LIN7C: variants seen among roughly 807,000 people sequenced by gnomAD.
The protein encoded by LIN7C is lin-7 cell polarity scaffold C, also known as protein lin-7 homolog C.
LIN7C carries 17 observed loss-of-function variants against 24.7 expected under a neutral mutation model. The observed-to-expected ratio is 0.69, with a 90% CI of 0.47 to 1.03. LIN7C has a LOEUF of 1.03. Ranked by LOEUF, LIN7C falls within the 50% of genes least tolerant of loss-of-function variation. The probability of loss-of-function intolerance (pLI) is 0.00; values close to 1 mark genes in which losing one functional copy is unlikely to be tolerated. For synonymous variants in LIN7C, 90 were observed against 83.4 expected (o/e 1.08, Z -0.43); for missense variants, 204 against 239.0 (o/e 0.85, Z 0.97).
chr11:27,503,715 T>G (rs934715038), intron 1 of LIN7C, among the ~76,000 whole-genome samples: 1 of 152,202 alleles, frequency 6.6e-6, no homozygotes, highest in Non-Finnish European at 1.5e-5. Context: ...GGTTTCACCC[T>G]GTTGGTCAGG....
At chr11:27,501,349 C>T in intron 3 of LIN7C, 146 bp downstream of exon 3, 1 of 607,722 alleles carries the variant, frequency 1.6e-6, no homozygotes, top group South Asian at 2.0e-5. Flanking sequence ...AAACAAATGT[C>T]TTATTTCTTA....
chr11:27,501,413 G>T, intron 3 of LIN7C, 82 bp downstream of exon 3: 2 of 876,970 alleles, frequency 2.3e-6, no homozygotes, highest in Admixed American at 2.4e-5. Flanking sequence ...TTCAAAGTAA[G>T]TTTATTATGA....
In LIN7C at chr11:27,497,884, C is replaced by T. The variant is rs976615138; in HGVS notation, c.*765G>A. The T allele has an allele frequency of 1.3e-5, 2 of 151,976 alleles. No individual in the cohort carries two copies. The highest frequency in any genetic ancestry group is 6.6e-5 in the Admixed American group (1 of 15,260). The allele number at this position is 151,976 out of a possible 1,614,324, so 9.4% of individuals were successfully genotyped here. On this transcript the variant is annotated 3_prime_UTR_variant, in exon 5 of 5. Coordinates refer to ENST00000278193, the MANE Select transcript of LIN7C (RefSeq NM_018362.4). ...TGTTTTGCATTTATAATTTGATGTA[C>T]GGTTGAACATAAATAGGGATGTAAT...
chr11:27,502,192 A>T (rs1865232380), intron 1 of LIN7C, among the ~76,000 whole-genome samples: 1 of 152,244 alleles, frequency 6.6e-6, no homozygotes. Flanking sequence ...CCTTGGAGAA[A>T]CACAGGCAAA....
chr11:27,500,670 C>A (rs1865215788), intron 3 of LIN7C, among the ~76,000 whole-genome samples: 1 of 151,384 alleles, frequency 6.6e-6, no homozygotes, highest in Non-Finnish European at 1.5e-5. Context: ...TTGAAGAAAT[C>A]AAGATTTACT....
chr11:27,502,895 T>C (rs914968271), intron 1 of LIN7C, among the ~76,000 whole-genome samples: 1 of 152,148 alleles, frequency 6.6e-6, no homozygotes, highest in Non-Finnish European at 1.5e-5. Context: ...GTGGATCACC[T>C]GAGGTCAAGA....
Position 27,498,751 on chromosome 11 carries a change from T to C in LIN7C, c.492A>G (p.Gln164=). The change falls in exon 5 of 5, where the codon CAA becomes CAG. Residue 164 remains glutamine, a synonymous_variant. Transcript: ENST00000278193. Reference sequence around the variant, plus strand: ...ATCGTACCACTAATTTAACCTTTCCTTGTGCGGCTTTCAGCAGTTCTACAG... The same window carrying C: ...ATCGTACCACTAATTTAACCTTTCCCTGTGCGGCTTTCAGCAGTTCTACAG... ...EKAVELLKAA[Q]GKVKLVVRYT... is the part of the protein sequence containing the mutation. 2 of 1,614,064 alleles carry C rather than the reference T, an allele frequency of 1.2e-6. No homozygotes were observed. The highest frequency in any genetic ancestry group is 1.7e-5 in the Admixed American group (1 of 60,018).
chr11:27,506,414 C>T (rs1313322765), intron 1 of LIN7C, among the ~76,000 whole-genome samples: 3 of 152,234 alleles, frequency 2.0e-5, no homozygotes, highest in Non-Finnish European at 4.4e-5. Flanking sequence ...CCGAATGCTG[C>T]TTCTGCTGTG....
intron 1 of LIN7C, among the ~76,000 whole-genome samples, chr11:27,505,948 A>G (rs2133493655): frequency 6.6e-6 from 1 of 152,362 alleles, no homozygotes; most frequent in South Asian, 2.1e-4. Flanking sequence ...GCTGGAAATC[A>G]TGGTAGGCGC....
At chr11:27,506,476 G>T (rs999340242) in intron 1 of LIN7C, among the ~76,000 whole-genome samples, 1 of 152,334 alleles carries the variant, frequency 6.6e-6, no homozygotes. Context: ...GGCAGGTTGT[G>T]TTTAGTTGTG....
chr11:27,501,923 A>G lies in LIN7C; in HGVS notation c.38-3T>C. 1 of 1,519,506 alleles carries G rather than the reference A, an allele frequency of 6.6e-7. No individual in the cohort carries two copies. The highest frequency in any genetic ancestry group is 9.1e-7 in the Non-Finnish European group (1 of 1,094,674). 94.1% of individuals were successfully genotyped at this position (1,519,506 alleles called of 1,614,324 possible). ...TAATTCAATTGCTCTACAAATATCT[A>G]GAGTTAAACACACACACAGATAATT... On this transcript the variant is annotated splice_polypyrimidine_tract_variant and splice_region_variant and intron_variant, in intron 1 of 4. Transcript: ENST00000278193.
chr11:27,501,907 T>G lies in LIN7C; in HGVS notation c.51A>C (p.Ala17=). ...TTTGTAGTTTTTCCAATAATTCAAT[T>G]GCTCTACAAATATCTAGAGTTAAAC... ...PVRLERDICR[A]IELLEKLQRS... The change falls in exon 2 of 5, where the codon GCA becomes GCC. Residue 17 remains alanine (A), a synonymous_variant. Coordinates refer to ENST00000278193, the MANE Select transcript of LIN7C (RefSeq NM_018362.4). The G allele has an allele frequency of 6.3e-7, 1 of 1,596,908 alleles. No homozygotes were observed. Among genetic ancestry groups the G allele is most frequent in the Non-Finnish European group, 8.6e-7 (1 of 1,164,612 alleles).
intron 1 of LIN7C, among the ~76,000 whole-genome samples, chr11:27,503,459 A>T (rs565709199): frequency 1.6e-4 from 24 of 152,230 alleles, no homozygotes; most frequent in Non-Finnish European, 3.2e-4. Flanking sequence ...TAGAGTTAGT[A>T]TGGCCTTCTT....
rs1865146715 is a variant in LIN7C, at chr11:27,494,767, T to C, written c.*3882A>G. Reference sequence around the variant, plus strand: ...AATTAGTCTCAAAGTTCTTGAAAATTAATAAGTGATTTTTCTCACTACTTA... The same window carrying C: ...AATTAGTCTCAAAGTTCTTGAAAATCAATAAGTGATTTTTCTCACTACTTA... On this transcript the variant is annotated 3_prime_UTR_variant, in exon 5 of 5. Coordinates refer to ENST00000278193, the MANE Select transcript of LIN7C (RefSeq NM_018362.4). 6.6e-6 allele frequency: 1 copy of C among 152,198 alleles called. No homozygotes were observed. Among genetic ancestry groups the C allele is most frequent in the African/African-American group, 2.4e-5 (1 of 41,460 alleles). The allele number at this position is 152,198 out of a possible 1,614,324, so 9.4% of individuals were successfully genotyped here.
chr11:27,499,240 C>T, intron 4 of LIN7C, 119 bp downstream of exon 4: 1 of 741,132 alleles, frequency 1.3e-6, no homozygotes, highest in Non-Finnish European at 2.3e-6. Flanking sequence ...AATAGTACTG[C>T]CTAGGATTCC....
intron 1 of LIN7C, among the ~76,000 whole-genome samples, chr11:27,506,112 T>C (rs1865288128): frequency 6.6e-6 from 1 of 152,254 alleles, no homozygotes. Context: ...GCAAGTGTTT[T>C]AGCATCTACC....
intron 2 of LIN7C, 49 bp from the exon 3 acceptor site, chr11:27,501,615 T>TGCGAA: frequency 3.3e-6 from 1 of 302,682 alleles, no homozygotes; most frequent in Non-Finnish European, 5.6e-6. Flanking sequence ...TTGAGTTCTC[T>TGCGAA]GTGAAGTTAA....
chr11:27,505,401 TACTC>T (rs1396886707), intron 1 of LIN7C, among the ~76,000 whole-genome samples: 1 of 152,192 alleles, frequency 6.6e-6, no homozygotes, highest in African/African-American at 2.4e-5. Context: ...AGAAAAAACT[TACTC>T]CTGTTAACAC....
rs1865144830 is a variant in LIN7C, at chr11:27,494,576, T to A, written c.*4073A>T. ...TTTTCAAATCCAAAGAACGAGGACA[T>A]AACTCATACAAATTTATTTTAAATA... On this transcript the variant is annotated 3_prime_UTR_variant, in exon 5 of 5. Coordinates refer to ENST00000278193, the MANE Select transcript of LIN7C (RefSeq NM_018362.4). 1 of 152,188 alleles carries A rather than the reference T, an allele frequency of 6.6e-6. No homozygotes were observed. Among genetic ancestry groups the A allele is most frequent in the Admixed American group, 6.5e-5 (1 of 15,282 alleles). The allele number at this position is 152,188 out of a possible 1,614,324, so 9.4% of individuals were successfully genotyped here.
Sources: allele counts gnomAD v4.1 joint callset (sites outside exome capture counted in the v4.1 genomes callset), GRCh38; gene constraint gnomAD v4.1.1; transcripts MANE v1.5; gene names NCBI Gene and HGNC (gene_info 2026-07-23, HGNC 2026-07-21).